Variants in BRAP observed in about 807,000 individuals in gnomAD.
BRAP encodes the protein BRCA1 associated protein.
In BRAP, 42 loss-of-function variants were observed where a neutral mutation model predicts 73.4. The observed-to-expected ratio is 0.57, with a 90% CI of 0.45 to 0.74. The LOEUF (loss-of-function observed/expected upper bound fraction) is 0.74. BRAP is among the 30% of genes least tolerant of loss of function. The pLI, the probability that BRAP is intolerant of heterozygous loss-of-function variation, is 0.00. For missense variants in BRAP, 593 were observed against 751.4 expected (o/e 0.79, Z 2.46); for synonymous variants, 255 against 267.4 (o/e 0.95, Z 0.45).
chr12:111,646,999 C>G (rs931675154), intron 11 of BRAP, among the ~76,000 whole-genome samples: 5 of 152,058 alleles, frequency 3.3e-5, no homozygotes, highest in African/African-American at 1.2e-4. Context: ...AGGGCTCATG[C>G]CTATAATCCT....
At chr12:111,684,156 T>C (rs1363636429) in intron 1 of BRAP, among the ~76,000 whole-genome samples, 1 of 152,186 alleles carries the variant, frequency 6.6e-6, no homozygotes, top group Non-Finnish European at 1.5e-5. Context: ...ATACATGCTC[T>C]GTCAGGGCAG....
chr12:111,653,039 T>C (rs1364267051), intron 10 of BRAP, among the ~76,000 whole-genome samples: 1 of 152,098 alleles, frequency 6.6e-6, no homozygotes, highest in African/African-American at 2.4e-5. Flanking sequence ...AATTTTTTTT[T>C]TAAATCAGCC....
At chr12:111,680,273 G>A (rs1887549958) in intron 3 of BRAP, among the ~76,000 whole-genome samples, 1 of 152,008 alleles carries the variant, frequency 6.6e-6, no homozygotes, top group Admixed American at 6.6e-5. Flanking sequence ...TCTAAACCAT[G>A]AGGATGTAAC....
intron 4 of BRAP, among the ~76,000 whole-genome samples, chr12:111,674,967 A>G (rs766936585): frequency 6.6e-6 from 1 of 152,160 alleles, no homozygotes; most frequent in Non-Finnish European, 1.5e-5. Flanking sequence ...AATGCTCACT[A>G]AACGACCAGC....
chr12:111,673,569 C>T (rs910999238), intron 4 of BRAP, among the ~76,000 whole-genome samples: 1 of 148,438 alleles, frequency 6.7e-6, no homozygotes, highest in Non-Finnish European at 1.5e-5. Context: ...AAATAAAAGA[C>T]CAGGGGAACT....
chr12:111,658,507 A>T (rs1886616751), intron 9 of BRAP, among the ~76,000 whole-genome samples: 1 of 151,980 alleles, frequency 6.6e-6, no homozygotes, highest in Non-Finnish European at 1.5e-5. Flanking sequence ...TTGCATTTTT[A>T]GTAGAAACAG....
intron 5 of BRAP, among the ~76,000 whole-genome samples, chr12:111,667,549 A>C (rs1265592731): frequency 2.0e-5 from 3 of 151,578 alleles, no homozygotes; most frequent in Non-Finnish European, 4.4e-5. Context: ...AAACACAAAA[A>C]ATTAGCCGGG....
intron 10 of BRAP, among the ~76,000 whole-genome samples, chr12:111,653,355 C>T (rs1886397459): frequency 6.6e-6 from 1 of 152,086 alleles, no homozygotes; most frequent in South Asian, 2.1e-4. Context: ...AGTTGTGGTC[C>T]ACCAAACTCA....
At chr12:111,651,682 G>A (rs1198493990) in intron 10 of BRAP, among the ~76,000 whole-genome samples, 1 of 136,936 alleles carries the variant, frequency 7.3e-6, no homozygotes, top group Non-Finnish European at 1.5e-5. Context: ...CTGTCACCCA[G>A]GCTGGAGTGC....
intron 8 of BRAP, 100 bp from the exon 9 acceptor site, chr12:111,658,945 G>T: frequency 1.1e-6 from 1 of 911,496 alleles, no homozygotes; most frequent in Non-Finnish European, 1.6e-6. Flanking sequence ...TAATTTAAAT[G>T]CCTTACAATA....
At chr12:111,670,689 C>T (rs1401934934) in intron 5 of BRAP, among the ~76,000 whole-genome samples, 2 of 152,322 alleles carry the variant, frequency 1.3e-5, no homozygotes, top group Non-Finnish European at 2.9e-5. Flanking sequence ...TGAGTTTCCT[C>T]ATGTTGGCCA....
chr12:111,679,158 C>A lies in BRAP; in HGVS notation c.626G>T (p.Arg209Leu). Residue 209 changes from arginine to leucine, a missense_variant, in exon 4 of 12, where the codon CGT (arginine) becomes CTT (leucine). Around this residue, in one of 4 missense-constraint regions of BRAP, gnomAD observed 304 missense variants for 337.7 expected, o/e 0.90. Transcript: ENST00000419234. ...PNQYMVLIKF[R>L]AQADADSFYM... Reference sequence around the variant, plus strand: ...AAATTTAATAACTTTTACCTGTGCACGAAACTTTATCAGCACCATATATTG... The same window carrying A: ...AAATTTAATAACTTTTACCTGTGCAAGAAACTTTATCAGCACCATATATTG... The A allele has an allele frequency of 1.3e-6, 2 of 1,547,200 alleles. No homozygotes were observed. The highest frequency in any genetic ancestry group is 1.8e-6 in the Non-Finnish European group (2 of 1,142,336).
At position 111,679,280 on chromosome 12, in the gene BRAP, G is replaced by A; in HGVS notation, c.504C>T (p.Val168=). ...RRSAMLCILT[V]PAAMTSHDLM... Reference sequence around the variant, plus strand: ...GGTCATGACTGGTCATTGCAGCAGGGACTGTGAGAATACACAGCATGGCAC... The same window carrying A: ...GGTCATGACTGGTCATTGCAGCAGGAACTGTGAGAATACACAGCATGGCAC... Residue 168 remains valine (V), a synonymous_variant, in exon 4 of 12, where the codon GTC becomes GTT. Transcript: ENST00000419234. 2.5e-6 allele frequency: 4 copies of A among 1,608,616 alleles called. No individual in the cohort carries two copies. The highest frequency in any genetic ancestry group is 3.4e-6 in the Non-Finnish European group (4 of 1,176,820).
Position 111,679,359 on chromosome 12 carries a change from G to C in BRAP, c.444-19C>G. ...CATCTTACTAACAAAAAAAAAATTA[G>C]AGTGTCTTGAATAGATGAGGTATGG... On this transcript the variant is annotated intron_variant, in intron 3 of 11. Transcript: ENST00000419234. 1.3e-6 allele frequency: 2 copies of C among 1,503,828 alleles called. No homozygotes were observed. The highest frequency in any genetic ancestry group is 1.8e-6 in the Non-Finnish European group (2 of 1,117,748). The allele number at this position is 1,503,828 out of a possible 1,614,324, so 93.2% of individuals were successfully genotyped here.
chr12:111,660,763 T>A, intron 6 of BRAP, 88 bp from the exon 7 acceptor site: 1 of 1,016,926 alleles, frequency 9.8e-7, no homozygotes, highest in Non-Finnish European at 1.4e-6. Context: ...GGATTTTATA[T>A]CCTCCTCCTC....
At position 111,643,011 on chromosome 12, in the gene BRAP, A is replaced by G. The variant is rs1013619930; in HGVS notation, c.*1188T>C. On this transcript the variant is annotated 3_prime_UTR_variant, in exon 12 of 12. Coordinates refer to ENST00000419234, the MANE Select transcript of BRAP (RefSeq NM_006768.5). ...ACTAAAACCTGTTGTTTAACAATACATCTTACTAACCTATCCCTCTACCTC... is the reference window on the plus strand; with the variant it reads ...ACTAAAACCTGTTGTTTAACAATACGTCTTACTAACCTATCCCTCTACCTC... 6.6e-6 allele frequency: 1 copy of G among 152,220 alleles called. No individual in the cohort carries two copies. Among genetic ancestry groups the G allele is most frequent in the Admixed American group, 6.5e-5 (1 of 15,270 alleles). The allele number at this position is 152,220 out of a possible 1,614,324, so 9.4% of individuals were successfully genotyped here.
Position 111,679,246 on chromosome 12 carries a change from A to G in BRAP, c.538T>C (p.Phe180Leu), listed in dbSNP as rs374850447. 1.1e-5 allele frequency: 18 copies of G among 1,611,504 alleles called. No homozygotes were observed. Among genetic ancestry groups the G allele is most frequent in the Non-Finnish European group, 1.4e-5 (16 of 1,178,500 alleles). Residue 180 changes from phenylalanine to leucine, a missense_variant, in exon 4 of 12, where the codon TTT becomes CTT. Around this residue, in one of 4 missense-constraint regions of BRAP, gnomAD observed 304 missense variants for 337.7 expected, o/e 0.90. Coordinates refer to ENST00000419234, the MANE Select transcript of BRAP (RefSeq NM_006768.5). Reference sequence around the variant, plus strand: ...ATTACTTCGTTAAATGGGGCAACAAACTTCATAAGGTCATGACTGGTCATT... The same window carrying G: ...ATTACTTCGTTAAATGGGGCAACAAGCTTCATAAGGTCATGACTGGTCATT... ...AAMTSHDLMK[F>L]VAPFNEVIEQ...
At chr12:111,658,695 C>T in intron 9 of BRAP, 41 bp downstream of exon 9, 1 of 1,321,308 alleles carries the variant, frequency 7.6e-7, no homozygotes, top group Non-Finnish European at 1.1e-6. Flanking sequence ...TAGTAAAGAG[C>T]AGTAGAAACA....
At chr12:111,660,760 A>G (rs1886718295) in intron 6 of BRAP, 85 bp from the exon 7 acceptor site, 1 of 1,077,852 alleles carries the variant, frequency 9.3e-7, no homozygotes, top group Non-Finnish European at 1.3e-6. Context: ...ACTGGATTTT[A>G]TATCCTCCTC....
Sources: gnomAD v4.1 joint callset for allele counts (sites outside exome capture counted in the v4.1 genomes callset) on GRCh38, gnomAD v4.1.1 for gene constraint, gnomAD v4.1.1 regional missense constraint, MANE v1.5 for transcripts, NCBI Gene and HGNC (gene_info 2026-07-23, HGNC 2026-07-21) for gene names.